Variants in PRDM1 observed in about 807,000 individuals in gnomAD.
PRDM1 encodes PR domain zinc finger protein 1.
A neutral mutation model predicts 62.8 loss-of-function variants in PRDM1; 13 were observed. That is an observed-to-expected ratio of 0.21 (90% CI 0.13 to 0.33). The LOEUF (loss-of-function observed/expected upper bound fraction) is 0.33, where lower values mean the gene tolerates loss of function less well. Among genes scored for constraint, PRDM1 ranks in the 10% least tolerant of loss-of-function variants. The probability of loss-of-function intolerance (pLI) is 1.00; values close to 1 mark genes in which losing one functional copy is unlikely to be tolerated. For synonymous variants in PRDM1, 396 were observed against 417.6 expected (o/e 0.95, Z 0.63); for missense variants, 895 against 1,058.8 (o/e 0.85, Z 2.15).
At chr6:106,028,918 C>CTTCTT (rs1772801661) in intron 1 of PRDM1, among the ~76,000 whole-genome samples, 2 of 124,298 alleles carry the variant, frequency 1.6e-5, no homozygotes, top group African/African-American at 6.1e-5. Flanking sequence ...TTCTTTCCTT[C>CTTCTT]TTTTTTTTTT....
At position 106,107,473 on chromosome 6, in the gene PRDM1, C is replaced by G. The variant is rs772153085; in HGVS notation, c.2465C>G (p.Pro822Arg). The G allele has an allele frequency of 1.3e-6, 2 of 1,595,858 alleles. No individual in the cohort carries two copies. The highest frequency in any genetic ancestry group is 4.5e-5 in the East Asian group (2 of 44,664). ...AAGGTCAAACAAGAAACAGTTGAAC[C>G]AATGGATCCTTAAGATTTTCAGAAA... ...PVKVKQETVE[P>R]MDP The change falls in exon 7 of 7, where the codon CCA becomes CGA. Residue 822 changes from proline (P) to arginine (R), a missense_variant. By Grantham distance (103) the Pro-to-Arg change is moderately radical. Transcript: ENST00000369096.
chr6:106,092,142 A>C lies in PRDM1; in HGVS notation c.292-3473A>C, dbSNP rs529216509. Among the ~76,000 whole-genome samples, 148 of 147,850 alleles carry C rather than the reference A, an allele frequency of 1.0e-3. 2 individuals carry two copies. Among genetic ancestry groups the C allele is most frequent in the African/African-American group, 3.5e-3 (141 of 40,198 alleles). ...AAAGAAGGAATTTGAAAAAAAAAAAAAAAAACAAACCTATATTGTCCTTGT... is the reference window on the plus strand; with the variant it reads ...AAAGAAGGAATTTGAAAAAAAAAAACAAAAACAAACCTATATTGTCCTTGT... On this transcript the variant is annotated intron_variant, in intron 2 of 6. Coordinates refer to ENST00000369096, the MANE Select transcript of PRDM1 (RefSeq NM_001198.4).
chr6:106,028,248 C>T (rs1772792592), intron 1 of PRDM1, among the ~76,000 whole-genome samples: 1 of 152,178 alleles, frequency 6.6e-6, no homozygotes, highest in Non-Finnish European at 1.5e-5. Context: ...TCGGTCCAAT[C>T]GCATGTATTT....
chr6:106,103,532 C>G (rs758642776), intron 4 of PRDM1, among the ~76,000 whole-genome samples: 8 of 152,158 alleles, frequency 5.3e-5, no homozygotes, highest in Admixed American at 4.6e-4. Context: ...TGACTGTCCT[C>G]CAATAATCAG....
intron 1 of PRDM1, among the ~76,000 whole-genome samples, chr6:106,006,635 A>G (rs754330224): frequency 6.6e-6 from 1 of 152,006 alleles, no homozygotes; most frequent in Non-Finnish European, 1.5e-5. Context: ...TTTGCCAGAT[A>G]CCATCAAAGT....
upstream of PRDM1, among the ~76,000 whole-genome samples, chr6:105,993,291 C>G (rs1772302311): frequency 6.6e-6 from 1 of 152,178 alleles, no homozygotes; most frequent in African/African-American, 2.4e-5. Flanking sequence ...GTTTGATCCC[C>G]AAAATCCACC....
rs1193598955 is a variant in PRDM1, at chr6:105,994,320, G to C, written c.-67+681G>C. 1.3e-5 allele frequency among the ~76,000 whole-genome samples: 2 copies of C among 151,976 alleles called. No homozygotes were observed. The highest frequency in any genetic ancestry group is 1.3e-4 in the Admixed American group (2 of 15,270). On this transcript the variant is annotated intron_variant, in intron 1 of 6. Transcript: ENST00000652320. The surrounding 1 kb of genome is among the most constrained non-coding windows in gnomAD (Gnocchi z 4.1). ...CGGTGAACTCTACCAAGCTCAGCGC[G>C]TACACAGCTAGCGGCTCTGGATTGG...
At chr6:106,021,883 G>T (rs1772700891) in intron 1 of PRDM1, among the ~76,000 whole-genome samples, 1 of 152,184 alleles carries the variant, frequency 6.6e-6, no homozygotes, top group African/African-American at 2.4e-5. Flanking sequence ...GCCTCCCAAA[G>T]TGCTGGGATT....
chr6:106,024,226 G>A (rs751807940), intron 1 of PRDM1, among the ~76,000 whole-genome samples: 9 of 152,148 alleles, frequency 5.9e-5, no homozygotes, highest in Non-Finnish European at 8.8e-5. Flanking sequence ...GCAGGCTATG[G>A]AGCATGGTCC....
chr6:106,033,354 T>C (rs1437798761), intron 1 of PRDM1, among the ~76,000 whole-genome samples: 1 of 151,414 alleles, frequency 6.6e-6, no homozygotes, highest in Admixed American at 6.6e-5. Context: ...AATCTCTCTA[T>C]ATTGCCCAGG....
intron 1 of PRDM1, among the ~76,000 whole-genome samples, chr6:106,032,592 C>T (rs1772860087): frequency 6.6e-6 from 1 of 152,118 alleles, no homozygotes; most frequent in African/African-American, 2.4e-5. Flanking sequence ...CTTGTGCCAC[C>T]ACACCCAGCT....
At chr6:106,095,555 A>C in intron 2 of PRDM1, 60 bp from the exon 3 acceptor site, 1 of 1,572,880 alleles carries the variant, frequency 6.4e-7, no homozygotes, top group South Asian at 1.1e-5. Context: ...TATTTAATTG[A>C]AAAGATTGGT....
At chr6:106,071,361 T>A (rs1004613198) in intron 1 of PRDM1, among the ~76,000 whole-genome samples, 4 of 152,190 alleles carry the variant, frequency 2.6e-5, no homozygotes, top group African/African-American at 9.7e-5. Flanking sequence ...TATGTATGTA[T>A]GTATATGTAA....
Position 106,106,221 on chromosome 6 carries a change from A to G in PRDM1, c.1774-150A>G, listed in dbSNP as rs1774483322. Reference sequence around the variant, plus strand: ...TGATTTTTGTGCTTTTAAGAAAAACACCATTCTGAAAACATGAAGATTTCT... The same window carrying G: ...TGATTTTTGTGCTTTTAAGAAAAACGCCATTCTGAAAACATGAAGATTTCT... On this transcript the variant is annotated intron_variant, in intron 5 of 6. Transcript: ENST00000369096. The surrounding 1 kb of genome is among the most constrained non-coding windows in gnomAD (Gnocchi z 4.4). 1 of 1,303,682 alleles carries G rather than the reference A, an allele frequency of 7.7e-7. No homozygotes were observed. Among genetic ancestry groups the G allele is most frequent in the Non-Finnish European group, 1.0e-6 (1 of 955,054 alleles). The allele number at this position is 1,303,682 out of a possible 1,614,324, so 80.8% of individuals were successfully genotyped here.
chr6:106,037,545 A>C (rs554597031), intron 1 of PRDM1, among the ~76,000 whole-genome samples: 1 of 151,784 alleles, frequency 6.6e-6, no homozygotes, highest in South Asian at 2.1e-4. Context: ...CTTTCCTTCC[A>C]TCTTTTTTCT....
rs372820369 is a variant in PRDM1 at position 106,105,260 on chromosome 6, C to G, written c.1100C>G (p.Ser367Cys). ...GNTVSPVGPGSQEHRDSYAYL... is the reference protein window; with the variant it reads ...GNTVSPVGPGCQEHRDSYAYL... ...ACGGTGTCCCCTGTGGGCCCCGGCT[C>G]TCAAGAGCACCGGGACTCCTACGCT... The change falls in exon 5 of 7, where the codon TCT (serine) becomes TGT (cysteine). Residue 367 changes from serine (S) to cysteine (C), a missense_variant. Transcript: ENST00000369096. The G allele has an allele frequency of 6.2e-7, 1 of 1,613,878 alleles. No individual in the cohort carries two copies. The highest frequency in any genetic ancestry group is 1.7e-5 in the Admixed American group (1 of 60,010).
In PRDM1 at chr6:106,101,126, G is replaced by A. The variant is rs530980407; in HGVS notation, c.664+1574G>A. On this transcript the variant is annotated intron_variant, in intron 4 of 6. Transcript: ENST00000369096. ...CTGTGCGTCTCAGAAGAAGCGCACAGCTCCCTCCTGGCTTTCTTAACATAG... is the reference window on the plus strand; with the variant it reads ...CTGTGCGTCTCAGAAGAAGCGCACAACTCCCTCCTGGCTTTCTTAACATAG... 2.0e-5 allele frequency among the ~76,000 whole-genome samples: 3 copies of A among 152,282 alleles called. No individual in the cohort carries two copies. In the South Asian group the frequency reaches 6.2e-4, roughly 32 times the overall value.
At chr6:106,043,664 T>C (rs1281687856), upstream of PRDM1, among the ~76,000 whole-genome samples, 1 of 152,104 alleles carries the variant, frequency 6.6e-6, no homozygotes, top group Non-Finnish European at 1.5e-5. Flanking sequence ...GCCTCCCGAG[T>C]AGCTGGGATT....
chr6:106,063,085 G>A (rs909364066), intron 1 of PRDM1, among the ~76,000 whole-genome samples: 29 of 152,166 alleles, frequency 1.9e-4, no homozygotes, highest in African/African-American at 6.8e-4. Flanking sequence ...TGTGACCACT[G>A]CTCAGCTCTT....
Sources: allele counts gnomAD v4.1 joint callset (sites outside exome capture counted in the v4.1 genomes callset), GRCh38; gene constraint gnomAD v4.1.1; non-coding constraint Gnocchi (gnomAD v3.1); transcripts MANE v1.5; gene names NCBI Gene and HGNC (gene_info 2026-07-23, HGNC 2026-07-21).